STAG3: variants seen among roughly 807,000 people sequenced by gnomAD.
The protein encoded by STAG3 is cohesin subunit SA-3.
Under a neutral mutation model 160.7 loss-of-function variants are expected in STAG3, and 101 were observed. The observed-to-expected ratio is 0.63, with a 90% CI of 0.54 to 0.74. STAG3 has a LOEUF of 0.74. STAG3 is among the 30% of genes least tolerant of loss of function. The pLI is 0.00. For synonymous variants in STAG3, 519 were observed against 585.0 expected (o/e 0.89, Z 1.63); for missense variants, 1,188 against 1,517.4 (o/e 0.78, Z 3.61).
chr7:100,213,295 C>G (rs890257048), intron 32 of STAG3: 1 of 982,922 alleles, frequency 1.0e-6, no homozygotes, highest in Non-Finnish European at 1.2e-6. Flanking sequence ...TAGGGGGACA[C>G]AGATATTCAG....
chr7:100,192,326 A>G (rs1800391456), intron 8 of STAG3, among the ~76,000 whole-genome samples: 1 of 152,126 alleles, frequency 6.6e-6, no homozygotes, highest in South Asian at 2.1e-4. Context: ...GGAGTTTGAA[A>G]CCAGCCTGGC....
intron 16 of STAG3, among the ~76,000 whole-genome samples, 162 bp downstream of exon 16, chr7:100,199,806 A>G (rs1299584020): frequency 6.6e-6 from 1 of 151,994 alleles, no homozygotes; most frequent in East Asian, 1.9e-4. Context: ...CTATAATCCC[A>G]GCACTTTGGG....
In STAG3 at chr7:100,213,824, A is replaced by T. The variant is rs1406080734; in HGVS notation, c.3672+18A>T. 1 of 1,614,178 alleles carries T rather than the reference A, an allele frequency of 6.2e-7. No homozygotes were observed. ...ATATTGAGGTGAGTGTCCCCAGAGC[A>T]GGAGTTATGTATCCTTCGGAAATGC... is the stretch of plus-strand genomic sequence containing the variant. On this transcript the variant is annotated intron_variant, in intron 33 of 33. Coordinates refer to ENST00000615138, the MANE Select transcript of STAG3 (RefSeq NM_001282717.2).
At position 100,188,916 on chromosome 7, in the gene STAG3, C is replaced by T. The variant is rs201755317; in HGVS notation, c.615C>T (p.Ser205=). The T allele has an allele frequency of 3.4e-5, 55 of 1,614,052 alleles. 1 individual carries two copies. The highest frequency in any genetic ancestry group is 8.3e-5 in the Admixed American group (5 of 60,006). ...VRTLVCQCQY[S]LLYDGFPMDD... ...CATTGGTCTGTCAGTGCCAGTACAG[C>T]CTCCTCTATGATGGCTTCCCTATGG... Residue 205 remains serine, a synonymous_variant, in exon 7 of 34, where the codon AGC becomes AGT. Transcript: ENST00000615138.
intron 8 of STAG3, among the ~76,000 whole-genome samples, chr7:100,191,793 C>G (rs1003178807): frequency 6.6e-6 from 1 of 152,172 alleles, no homozygotes; most frequent in Non-Finnish European, 1.5e-5. Context: ...AAAAATTTCT[C>G]TGTAACATGA....
At position 100,202,567 on chromosome 7, in the gene STAG3, G is replaced by C. The variant is rs750218368; in HGVS notation, c.2677G>C (p.Asp893His). 1 of 1,613,906 alleles carries C rather than the reference G, an allele frequency of 6.2e-7. No individual in the cohort carries two copies. Among genetic ancestry groups the C allele is most frequent in the South Asian group, 1.1e-5 (1 of 91,072 alleles). Reference sequence around the variant, plus strand: ...GGTGCTGGAGATGGATGCAGCCTCAGATGTTTTCAAACACTACAACAAGGT... The same window carrying C: ...GGTGCTGGAGATGGATGCAGCCTCACATGTTTTCAAACACTACAACAAGGT... ...YGVLEMDAAS[D>H]VFKHYNKFYN... Residue 893 changes from aspartate to histidine, a missense_variant, in exon 25 of 34, where the codon GAT becomes CAT. Physicochemically the swap from Asp to His is moderately conservative, Grantham distance 81 (BLOSUM62 -1). This residue lies in a region of STAG3 where 647 missense variants were observed against 717.2 expected (regional missense o/e 0.90). Coordinates refer to ENST00000615138, the MANE Select transcript of STAG3 (RefSeq NM_001282717.2).
intron 8 of STAG3, among the ~76,000 whole-genome samples, chr7:100,194,436 A>G (rs1800551285): frequency 2.0e-5 from 3 of 152,208 alleles, no homozygotes; most frequent in African/African-American, 7.2e-5. Flanking sequence ...GAACACAGAC[A>G]TTGTTAAGTT....
rs972330493 is a variant in STAG3 at position 100,195,909 on chromosome 7, C to T, written c.941+527C>T. Among the ~76,000 whole-genome samples the T allele has an allele frequency of 2.0e-5, 3 of 152,310 alleles. No homozygotes were observed. In the South Asian group the frequency reaches 6.2e-4, roughly 32 times the overall value. On this transcript the variant is annotated intron_variant, in intron 9 of 33. Transcript: ENST00000615138. ...CTTTGGGAGGCCAAGGCAGGCAGAT[C>T]ACCTGAGGTCAGGAGTTCACAACCA... is the stretch of plus-strand genomic sequence containing the variant.
downstream of STAG3, among the ~76,000 whole-genome samples, chr7:100,216,088 G>C (rs1454750061): frequency 6.6e-6 from 1 of 152,150 alleles, no homozygotes; most frequent in African/African-American, 2.4e-5. Flanking sequence ...AACCTTCCCT[G>C]TTTTTCAGTT....
chr7:100,200,814 C>T lies in STAG3; in HGVS notation c.1906C>T (p.His636Tyr). 1 of 1,614,236 alleles carries T rather than the reference C, an allele frequency of 6.2e-7. No individual in the cohort carries two copies. ...GCAACTCCAGGAGGTGGTGGTGAAG[C>T]ATGCAGAGCCAGCGGTGCTTGAGGC... Reference protein sequence around the residue: ...LQQLQEVVVKHAEPAVLEAGA... With the variant: ...LQQLQEVVVKYAEPAVLEAGA... Residue 636 changes from histidine to tyrosine, a missense_variant, in exon 19 of 34, where the codon CAT becomes TAT. Physicochemically the swap from His to Tyr is moderately conservative, Grantham distance 83 (BLOSUM62 2). Transcript: ENST00000615138.
intron 31 of STAG3, 121 bp downstream of exon 31, chr7:100,211,660 CT>C (rs997672037): frequency 7.1e-7 from 1 of 1,406,304 alleles, no homozygotes; most frequent in African/African-American, 1.4e-5. Context: ...CCACAGAGCA[CT>C]TCCTGTCAGC....
In STAG3 at chr7:100,213,803, T is replaced by C. The variant is rs995563970; in HGVS notation, c.3669T>C (p.Ile1223=). The C allele has an allele frequency of 1.2e-6, 2 of 1,614,126 alleles. No individual in the cohort carries two copies. Among genetic ancestry groups the C allele is most frequent in the East Asian group, 2.2e-5 (1 of 44,908 alleles). ...LDLLDSTELD[I]EDF ...TCTTAGATTCTACAGAGCTGGATAT[T>C]GAGGTGAGTGTCCCCAGAGCAGGAG... Residue 1223 remains isoleucine (I), a synonymous_variant, in exon 33 of 34, where the codon ATT becomes ATC. Coordinates refer to ENST00000615138, the MANE Select transcript of STAG3 (RefSeq NM_001282717.2).
chr7:100,196,994 C>T (rs907090788), intron 9 of STAG3, among the ~76,000 whole-genome samples, 162 bp from the exon 10 acceptor site: 1 of 152,060 alleles, frequency 6.6e-6, no homozygotes, highest in African/African-American at 2.4e-5. Context: ...ATGTATTTTA[C>T]TATATATATA....
At chr7:100,211,986 TGAATGAATCTA>T (rs376559347) in intron 32 of STAG3, 110 bp downstream of exon 32, 1 of 968,468 alleles carries the variant, frequency 1.0e-6, no homozygotes, top group African/African-American at 1.6e-5. Flanking sequence ...CTGGAAAAGC[TGAATGAATCTA>T]GAGTAAAGGA....
intron 19 of STAG3, 34 bp from the exon 20 acceptor site, chr7:100,201,056 G>A (rs775734344): frequency 1.2e-6 from 2 of 1,614,096 alleles, no homozygotes; most frequent in Non-Finnish European, 1.7e-6. Flanking sequence ...GAGTTCTGGG[G>A]GAAATGCTAT....
Position 100,211,077 on chromosome 7 carries a change from T to TTCCC in STAG3, c.3305_3306insTCCC (p.Thr1105AlafsTer87). 1.2e-6 allele frequency: 2 copies of TTCCC among 1,600,806 alleles called. No homozygotes were observed. Among genetic ancestry groups the TTCCC allele is most frequent in the Non-Finnish European group, 1.7e-6 (2 of 1,168,826 alleles). ...GAAGAAAGTCTGCAGCTGAACAGCATCCCGCCCACGCCCACCCTCACCTCC... is the reference window on the plus strand; with the variant it reads ...GAAGAAAGTCTGCAGCTGAACAGCATTCCCCCCGCCCACGCCCACCCTCACCTCC... On this transcript the variant is annotated frameshift_variant, in exon 30 of 34. Transcript: ENST00000615138. LOFTEE classifies it high-confidence loss of function.
intron 4 of STAG3, among the ~76,000 whole-genome samples, chr7:100,183,317 A>G (rs1799773506): frequency 6.6e-6 from 1 of 152,166 alleles, no homozygotes; most frequent in Admixed American, 6.5e-5. Context: ...CCTGGCTTTG[A>G]GAGAGCATGT....
chr7:100,203,870 A>T, intron 25 of STAG3, 151 bp from the exon 26 acceptor site: 2 of 563,360 alleles, frequency 3.6e-6, no homozygotes, highest in Non-Finnish European at 6.4e-6. Context: ...TGTTGATTAG[A>T]GATGAAGTCT....
rs747651393 is a variant in STAG3, at chr7:100,182,763, G to A, written c.260G>A (p.Arg87His). The A allele has an allele frequency of 3.1e-6, 5 of 1,613,724 alleles. No homozygotes were observed. The Middle Eastern group carries it at 5.0e-4, about 160-fold the overall frequency. The change falls in exon 4 of 34, where the codon CGT becomes CAT. Residue 87 changes from arginine to histidine, a missense_variant. Around this residue, in one of 4 missense-constraint regions of STAG3, gnomAD observed 296 missense variants for 404.0 expected, o/e 0.73. Transcript: ENST00000615138. ...AAGAAAGGGTCCCGAGTGGTACATC[G>A]TCATAGCCGGAAACAGTCAGAGCCA... ...HPKKGSRVVH[R>H]HSRKQSEPPA...
Sources: allele counts gnomAD v4.1 joint callset (sites outside exome capture counted in the v4.1 genomes callset), GRCh38; gene constraint gnomAD v4.1.1; regional missense constraint gnomAD v4.1.1; transcripts MANE v1.5; gene names NCBI Gene and HGNC (gene_info 2026-07-23, HGNC 2026-07-21).